PHF14: variants seen among roughly 807,000 people sequenced by gnomAD.
PHF14 encodes the protein PHD finger protein 14.
A neutral mutation model predicts 117.9 loss-of-function variants in PHF14; 55 were observed. The ratio of observed to expected loss-of-function variants is 0.47; its 90% CI spans 0.38 to 0.58. PHF14 has a LOEUF of 0.58. Among genes scored for constraint, PHF14 ranks in the 20% least tolerant of loss-of-function variants. The probability of loss-of-function intolerance (pLI) is 0.00; values close to 1 mark genes in which losing one functional copy is unlikely to be tolerated. For synonymous variants in PHF14, 409 were observed against 368.6 expected (o/e 1.11, Z -1.26); for missense variants, 978 against 1,122.2 (o/e 0.87, Z 1.84).
chr7:11,069,820 C>T (rs1785551008), intron 16 of PHF14, among the ~76,000 whole-genome samples: 1 of 151,494 alleles, frequency 6.6e-6, no homozygotes, highest in African/African-American at 2.4e-5. Context: ...GGTATTACCA[C>T]CACACCACCA....
At chr7:10,984,185 C>T (rs1378798296) in intron 3 of PHF14, among the ~76,000 whole-genome samples, 1 of 152,026 alleles carries the variant, frequency 6.6e-6, no homozygotes, top group Non-Finnish European at 1.5e-5. Flanking sequence ...ATTTTTCTGC[C>T]TACAAGTTTT....
chr7:11,102,489 C>T, intron 16 of PHF14: 1 of 1,606,452 alleles, frequency 6.2e-7, no homozygotes, highest in Non-Finnish European at 8.5e-7. Context: ...TGTGTAGATA[C>T]CCTTCATGAG....
chr7:11,037,819 A>T (rs961023873), intron 10 of PHF14, among the ~76,000 whole-genome samples: 1 of 152,200 alleles, frequency 6.6e-6, no homozygotes, highest in African/African-American at 2.4e-5. Flanking sequence ...TAAAAAGAGT[A>T]CTTGGAATTA....
chr7:10,983,261 T>C, intron 3 of PHF14, 102 bp downstream of exon 3: 1 of 1,327,172 alleles, frequency 7.5e-7, no homozygotes. Context: ...AAATCCTATT[T>C]ATAGACGGCT....
chr7:11,092,788 G>C (rs1178812719), intron 16 of PHF14, among the ~76,000 whole-genome samples: 3 of 152,096 alleles, frequency 2.0e-5, no homozygotes, highest in Non-Finnish European at 4.4e-5. Flanking sequence ...AGGGCTTTTA[G>C]GGAGGAGATA....
At chr7:10,991,557 G>A (rs1782451706) in intron 4 of PHF14, among the ~76,000 whole-genome samples, 2 of 151,996 alleles carry the variant, frequency 1.3e-5, no homozygotes, top group South Asian at 2.1e-4. Context: ...TGATCCGCCT[G>A]CCTCAGCCTC....
At chr7:11,048,020 A>G (rs1163074191) in intron 13 of PHF14, among the ~76,000 whole-genome samples, 1 of 152,024 alleles carries the variant, frequency 6.6e-6, no homozygotes, top group Non-Finnish European at 1.5e-5. Context: ...TCTGTTGCAT[A>G]AATTCCTGAC....
rs540271342 is a variant in PHF14, at chr7:11,083,496, C to T, written c.2654+21411C>T. Among the ~76,000 whole-genome samples, 23 of 139,080 alleles carry T rather than the reference C, an allele frequency of 1.7e-4. 2 individuals carry two copies. In the South Asian group the frequency reaches 5.0e-3, roughly 30 times the overall value. 91.2% of individuals were successfully genotyped at this position (139,080 alleles called of 152,430 possible). A position where few individuals can be genotyped will look rare whatever the true frequency, so the allele number is the denominator to read the frequency against. ...TTTTTTTTTTTTTTTGATACAGAGC[C>T]CTTGCTCTGTCGCCCAGGCTGCAGT... is the stretch of plus-strand genomic sequence containing the variant. On this transcript the variant is annotated intron_variant, in intron 16 of 17. Transcript: ENST00000634607.
chr7:11,160,824 G>A (rs990963239), intron 17 of PHF14, among the ~76,000 whole-genome samples: 4 of 152,204 alleles, frequency 2.6e-5, no homozygotes, highest in Non-Finnish European at 5.9e-5. Flanking sequence ...ATCTTTGTCA[G>A]ATGCATAGTT....
intron 17 of PHF14, among the ~76,000 whole-genome samples, chr7:11,121,789 T>G (rs1182572749): frequency 2.6e-5 from 4 of 152,042 alleles, no homozygotes; most frequent in East Asian, 1.9e-4. Flanking sequence ...TGGGACAACA[T>G]GAGATTTCAT....
At chr7:11,040,634 C>A in intron 11 of PHF14, 38 bp from the exon 12 acceptor site, 3 of 1,120,396 alleles carry the variant, frequency 2.7e-6, no homozygotes, top group Non-Finnish European at 2.5e-6. Context: ...TTATTTCTTT[C>A]TTAAAACAAT....
At chr7:11,010,638 A>C (rs1319828913) in intron 4 of PHF14, among the ~76,000 whole-genome samples, 1 of 151,874 alleles carries the variant, frequency 6.6e-6, no homozygotes, top group Non-Finnish European at 1.5e-5. Context: ...ATATATACAT[A>C]TATATATACA....
intron 13 of PHF14, among the ~76,000 whole-genome samples, chr7:11,050,859 A>G (rs145683950): frequency 7.1e-4 from 108 of 152,050 alleles, no homozygotes; most frequent in Middle Eastern, 3.4e-3. Context: ...TTTTCCCCCA[A>G]CACTTCTTGG....
At chr7:11,035,866 A>G (rs1784306918) in intron 8 of PHF14, 80 bp downstream of exon 8, 7 of 1,065,656 alleles carry the variant, frequency 6.6e-6, no homozygotes, top group Non-Finnish European at 9.6e-6. Flanking sequence ...GCTTCCAGTG[A>G]CATGTGACGT....
At chr7:11,000,758 T>A (rs10248983) in intron 4 of PHF14, among the ~76,000 whole-genome samples, 2,760 of 152,290 alleles carry the variant, frequency 0.018, 80 homozygotes, top group African/African-American at 0.063. Context: ...ATTTTGGATA[T>A]CAGTTCTTTA....
intron 16 of PHF14, among the ~76,000 whole-genome samples, chr7:11,087,735 T>G (rs1228560890): frequency 1.3e-5 from 2 of 152,198 alleles, no homozygotes; most frequent in African/African-American, 4.8e-5. Context: ...ATGCTTCATC[T>G]GTGTGTGTGG....
At chr7:11,013,716 T>G in intron 4 of PHF14, 31 bp from the exon 5 acceptor site, 1 of 1,284,938 alleles carries the variant, frequency 7.8e-7, no homozygotes, top group Non-Finnish European at 1.1e-6. Flanking sequence ...AAATAAACCC[T>G]ATTTAATCAT....
At position 11,120,269 on chromosome 7, in the gene PHF14, AG is replaced by A. The variant is rs1787713044; in HGVS notation, c.2772+8804del. 2.6e-5 allele frequency among the ~76,000 whole-genome samples: 4 copies of A among 152,144 alleles called. No homozygotes were observed. The South Asian group carries it at 8.3e-4, about 32-fold the overall frequency. On this transcript the variant is annotated intron_variant, in intron 17 of 17. Coordinates refer to ENST00000634607, the MANE Select transcript of PHF14 (RefSeq NM_001007157.2). ...CAGCAAGTTGTTTCACCTAACTTTT[AG>A]GTTGCTCATTTGTAGAAGGTTGAAT...
intron 16 of PHF14, chr7:11,105,884 A>G: frequency 1.0e-6 from 1 of 984,226 alleles, no homozygotes; most frequent in African/African-American, 1.7e-5. Flanking sequence ...ACATTGTAAA[A>G]TCAGGATCTA....
Sources: gnomAD v4.1 joint callset for allele counts (sites outside exome capture counted in the v4.1 genomes callset) on GRCh38, gnomAD v4.1.1 for gene constraint, MANE v1.5 for transcripts, NCBI Gene and HGNC (gene_info 2026-07-23, HGNC 2026-07-21) for gene names.